DOK6: variants seen among roughly 807,000 people sequenced by gnomAD.
DOK6 encodes downstream of tyrosine kinase 6.
DOK6 carries 22 observed loss-of-function variants against 44.0 expected under a neutral mutation model. The observed-to-expected ratio is 0.50, with a 90% confidence interval of 0.36 to 0.71. DOK6 has a LOEUF of 0.71. DOK6 is among the 30% of genes least tolerant of loss of function. The pLI is 0.00. For synonymous variants in DOK6, 166 were observed against 145.5 expected, an observed-to-expected ratio of 1.14 and a Z score of -1.01; for missense variants, 340 against 416.4, an observed-to-expected ratio of 0.82 and a Z score of 1.60.
At chr18:69,838,766 C>A (rs1165350221) in intron 7 of DOK6, among the ~76,000 whole-genome samples, 1 of 151,290 alleles carries the variant, frequency 6.6e-6, no homozygotes, top group Non-Finnish European at 1.5e-5. Context: ...TCTCCCCTAG[C>A]CCCTCCCCTA....
rs1982241809 is a variant in DOK6 at position 69,842,115 on chromosome 18, G to T, written c.*732G>T. The stretch of plus-strand genomic sequence containing the variant: ...GCATTAAAGTTAAGATTGTTATGTT[G>T]AATAGCTATTTTTAAAATAGTGCTG... On this transcript the variant is annotated 3_prime_UTR_variant, in exon 8 of 8. Transcript: ENST00000382713. The T allele has an allele frequency of 7.1e-6, 1 of 140,596 alleles. No homozygotes were observed. The allele number at this position is 140,596 out of a possible 1,614,324, so 8.7% of individuals were successfully genotyped here.
rs1383747093 is a variant in DOK6, at chr18:69,738,957, T to C, written c.600-8T>C. On this transcript the variant is annotated splice_polypyrimidine_tract_variant and splice_region_variant and intron_variant, in intron 5 of 7. Transcript: ENST00000382713. ...GACCCATCTCTTTCCCTATCTCTAT[T>C]CTCACAGAATGTGTGACACAGGAGA... is the stretch of plus-strand genomic sequence containing the variant. 4 of 1,613,572 alleles carry C rather than the reference T, an allele frequency of 2.5e-6. No homozygotes were observed. Among genetic ancestry groups the C allele is most frequent in the African/African-American group, 1.3e-5 (1 of 74,908 alleles).
chr18:69,549,106 AAAC>A lies in DOK6; in HGVS notation c.67-15372_67-15370del, dbSNP rs1555712151. 6.6e-5 allele frequency among the ~76,000 whole-genome samples: 10 copies of A among 151,072 alleles called. No homozygotes were observed. In the South Asian group the frequency reaches 2.1e-3, roughly 32 times the overall value. The stretch of plus-strand genomic sequence containing the variant: ...GTGAGACTCCGTCTCAAAAAAAAAA[AAAC>A]AACAACAAAAAATTTCTACCTTAAC... On this transcript the variant is annotated intron_variant, in intron 1 of 7. Coordinates refer to ENST00000382713, the MANE Select transcript of DOK6 (RefSeq NM_152721.6).
At chr18:69,832,176 A>T (rs1353683810) in intron 7 of DOK6, among the ~76,000 whole-genome samples, 1 of 152,190 alleles carries the variant, frequency 6.6e-6, no homozygotes, top group Non-Finnish European at 1.5e-5. Context: ...TTTGTAAAAA[A>T]TAGCCCTTAT....
chr18:69,614,011 T>C (rs928105224), intron 3 of DOK6, among the ~76,000 whole-genome samples: 1 of 37,270 alleles, frequency 2.7e-5, no homozygotes, highest in African/African-American at 5.4e-5. Context: ...TTAAGTTTTC[T>C]GAGTATTATT....
chr18:69,651,779 G>A (rs577614821), intron 3 of DOK6, among the ~76,000 whole-genome samples: 6 of 152,008 alleles, frequency 3.9e-5, no homozygotes, highest in South Asian at 2.1e-4. Flanking sequence ...CAGCTACCGC[G>A]CCCAGCCCCA....
chr18:69,452,140 G>C (rs1025673089), intron 1 of DOK6, among the ~76,000 whole-genome samples: 13 of 151,936 alleles, frequency 8.6e-5, no homozygotes, highest in Non-Finnish European at 1.5e-4. Flanking sequence ...TTTTGGAAAG[G>C]ATCAACAAAA....
intron 3 of DOK6, among the ~76,000 whole-genome samples, chr18:69,676,700 C>A (rs571348404): frequency 1.3e-5 from 2 of 152,224 alleles, no homozygotes; most frequent in South Asian, 4.2e-4. Context: ...AACCTGAGAC[C>A]CCTTTTCAAA....
intron 3 of DOK6, among the ~76,000 whole-genome samples, chr18:69,609,521 C>T (rs1289618177): frequency 1.0e-5 from 1 of 97,304 alleles, no homozygotes; most frequent in African/African-American, 3.3e-5. Context: ...AATAAAATGA[C>T]AACAAGTGTC....
intron 1 of DOK6, among the ~76,000 whole-genome samples, chr18:69,498,369 C>A (rs1267494162): frequency 1.3e-5 from 2 of 152,046 alleles, no homozygotes; most frequent in African/African-American, 2.4e-5. Flanking sequence ...TGCCTAAAGA[C>A]AAATCATTAT....
At chr18:69,698,289 A>G (rs977873727) in intron 4 of DOK6, 115 bp from the exon 5 acceptor site, 3 of 869,366 alleles carry the variant, frequency 3.5e-6, no homozygotes, top group African/African-American at 3.4e-5. Flanking sequence ...CATATCACCT[A>G]GGGAGGATGT....
intron 3 of DOK6, among the ~76,000 whole-genome samples, chr18:69,633,256 A>C (rs1221628417): frequency 2.6e-5 from 4 of 152,234 alleles, no homozygotes; most frequent in Admixed American, 2.6e-4. Flanking sequence ...CACAATAATC[A>C]GATGCAGCAA....
chr18:69,605,999 C>T (rs150469338), intron 3 of DOK6, among the ~76,000 whole-genome samples: 1,633 of 152,176 alleles, frequency 0.011, 20 homozygotes, highest in African/African-American at 0.037. Flanking sequence ...CGGCCAGGTG[C>T]GGTGGCTCAC....
chr18:69,821,799 T>TAAAA (rs1555673048), intron 7 of DOK6, among the ~76,000 whole-genome samples: 31 of 149,348 alleles, frequency 2.1e-4, no homozygotes, highest in African/African-American at 6.1e-4. Context: ...TTTTTTTTTT[T>TAAAA]AAAAAAAATC....
intron 2 of DOK6, among the ~76,000 whole-genome samples, chr18:69,576,196 G>T (rs1983234290): frequency 6.6e-6 from 1 of 151,938 alleles, no homozygotes; most frequent in Non-Finnish European, 1.5e-5. Flanking sequence ...ATAATTAATG[G>T]CCAGTCCAAA....
chr18:69,738,639 G>C (rs2144737479), intron 5 of DOK6, among the ~76,000 whole-genome samples: 1 of 152,246 alleles, frequency 6.6e-6, no homozygotes, highest in South Asian at 2.1e-4. Flanking sequence ...TGTCATAATG[G>C]CAGATAAAAA....
intron 1 of DOK6, among the ~76,000 whole-genome samples, chr18:69,462,085 T>C (rs1271057794): frequency 1.3e-5 from 2 of 152,254 alleles, no homozygotes; most frequent in African/African-American, 4.8e-5. Context: ...TTCAAGTAGA[T>C]AGGATATCTC....
intron 3 of DOK6, among the ~76,000 whole-genome samples, chr18:69,638,015 T>G (rs1214297950): frequency 6.6e-6 from 1 of 152,198 alleles, no homozygotes; most frequent in African/African-American, 2.4e-5. Context: ...GGCCCACTGC[T>G]GTTTGATAGA....
intron 4 of DOK6, among the ~76,000 whole-genome samples, chr18:69,681,535 T>C (rs1986044550): frequency 6.6e-6 from 1 of 151,670 alleles, no homozygotes; most frequent in Non-Finnish European, 1.5e-5. Flanking sequence ...CAAGTTCACA[T>C]GCACATGTGC....
Sources: gnomAD v4.1 joint callset for allele counts (sites outside exome capture counted in the v4.1 genomes callset) on GRCh38, gnomAD v4.1.1 for gene constraint, MANE v1.5 for transcripts, NCBI Gene and HGNC (gene_info 2026-07-23, HGNC 2026-07-21) for gene names.